OTUD7A: variants seen among roughly 807,000 people sequenced by gnomAD.
OTUD7A encodes the protein OTU domain-containing protein 7A.
A neutral mutation model predicts 65.7 loss-of-function variants in OTUD7A; 12 were observed. That is an observed-to-expected ratio of 0.18 (90% CI 0.12 to 0.30). The LOEUF is 0.30. Ranked by LOEUF, OTUD7A falls within the 10% of genes least tolerant of loss-of-function variation. OTUD7A has a pLI of 1.00. For synonymous variants in OTUD7A, 641 were observed against 586.3 expected (o/e 1.09, Z -1.35); for missense variants, 1,148 against 1,304.8 (o/e 0.88, Z 1.85).
Position 31,790,787 on chromosome 15 carries a change from T to C in OTUD7A, c.-100+79720A>G, listed in dbSNP as rs570251752. Among the ~76,000 whole-genome samples, 6 of 152,286 alleles carry C rather than the reference T, an allele frequency of 3.9e-5. No homozygotes were observed. In the East Asian group the frequency reaches 9.7e-4, roughly 25 times the overall value. Reference sequence around the variant, plus strand: ...CCATGAATGACAGCCCTGGGAGCTATAGATGCTGCCTCATGATGGGCCCCA... The same window carrying C: ...CCATGAATGACAGCCCTGGGAGCTACAGATGCTGCCTCATGATGGGCCCCA... On this transcript the variant is annotated intron_variant, in intron 1 of 12. Transcript: ENST00000307050.
At chr15:31,592,905 ATATAT>A (rs1161625810) in intron 3 of OTUD7A, among the ~76,000 whole-genome samples, 360 of 32,192 alleles carry the variant, frequency 0.011, 9 homozygotes, top group African/African-American at 0.027. Flanking sequence ...AAAAAAAAAA[ATATAT>A]ATATATATAT....
At chr15:31,634,723 C>T (rs1431665810) in intron 3 of OTUD7A, among the ~76,000 whole-genome samples, 2 of 152,254 alleles carry the variant, frequency 1.3e-5, no homozygotes, top group Admixed American at 6.5e-5. Flanking sequence ...GATGGAGTCC[C>T]GTTCCCCTGT....
chr15:31,526,717 C>A (rs527587926), intron 7 of OTUD7A, among the ~76,000 whole-genome samples: 12 of 152,254 alleles, frequency 7.9e-5, no homozygotes, highest in African/African-American at 2.9e-4. Flanking sequence ...TGGGGATGAC[C>A]GAGCATTAAC....
chr15:31,533,758 CATA>C (rs151223602), intron 5 of OTUD7A, among the ~76,000 whole-genome samples: 2,797 of 152,216 alleles, frequency 0.018, 37 homozygotes, highest in Non-Finnish European at 0.026. Flanking sequence ...TATGGGCAAA[CATA>C]ATAAGACTTT....
chr15:31,523,339 C>T (rs2041964010), intron 8 of OTUD7A, among the ~76,000 whole-genome samples: 1 of 152,236 alleles, frequency 6.6e-6, no homozygotes, highest in Non-Finnish European at 1.5e-5. Context: ...CCTTCAGGGC[C>T]CGCTGGGCTC....
chr15:31,727,291 T>C (rs185936808), intron 1 of OTUD7A, among the ~76,000 whole-genome samples: 271 of 152,360 alleles, frequency 1.8e-3, no homozygotes, highest in Non-Finnish European at 3.5e-3. Flanking sequence ...CTCTATTTTG[T>C]ACAAGTTCCT....
At chr15:31,620,388 G>T (rs903655694) in intron 3 of OTUD7A, among the ~76,000 whole-genome samples, 8 of 152,042 alleles carry the variant, frequency 5.3e-5, no homozygotes, top group Non-Finnish European at 1.0e-4. Context: ...CTGTGAATCT[G>T]TCTGGTCCTG....
chr15:31,805,561 T>C (rs1896247535), intron 1 of OTUD7A, among the ~76,000 whole-genome samples: 1 of 152,212 alleles, frequency 6.6e-6, no homozygotes, highest in African/African-American at 2.4e-5. Context: ...TTTATCAAAA[T>C]GTGTCTGTCT....
intron 1 of OTUD7A, among the ~76,000 whole-genome samples, chr15:31,738,078 G>A (rs866066824): frequency 6.6e-6 from 1 of 152,046 alleles, no homozygotes; most frequent in Admixed American, 6.6e-5. Context: ...CTATTTTTGC[G>A]AAAAAATTAA....
chr15:31,739,410 T>A (rs1595737898), intron 1 of OTUD7A, among the ~76,000 whole-genome samples: 2 of 152,294 alleles, frequency 1.3e-5, no homozygotes, highest in East Asian at 3.9e-4. Flanking sequence ...AATAATATCT[T>A]AAAAGTAGTC....
At chr15:31,489,646 C>T (rs1224276908) in intron 10 of OTUD7A, among the ~76,000 whole-genome samples, 1 of 152,224 alleles carries the variant, frequency 6.6e-6, no homozygotes, top group Non-Finnish European at 1.5e-5. Flanking sequence ...AGCAGATCTC[C>T]ACTGAAGAGC....
At chr15:31,828,492 T>A (rs536829117) in intron 1 of OTUD7A, among the ~76,000 whole-genome samples, 4 of 152,220 alleles carry the variant, frequency 2.6e-5, no homozygotes, top group Non-Finnish European at 5.9e-5. Context: ...CATAGTATAT[T>A]GTACAGTAGG....
At chr15:31,749,576 T>G (rs1894573280) in intron 1 of OTUD7A, among the ~76,000 whole-genome samples, 1 of 152,156 alleles carries the variant, frequency 6.6e-6, no homozygotes, top group African/African-American at 2.4e-5. Flanking sequence ...GAGTGCATTT[T>G]AAAAGTGGCA....
chr15:31,527,425 GCCT>G (rs2042030330), intron 6 of OTUD7A, 117 bp from the exon 7 acceptor site: 1 of 1,342,182 alleles, frequency 7.5e-7, no homozygotes, highest in Admixed American at 2.2e-5. Flanking sequence ...ACGCAGAACA[GCCT>G]CCTTACTCAG....
intron 1 of OTUD7A, among the ~76,000 whole-genome samples, chr15:31,753,455 C>T (rs145748850): frequency 1.3e-5 from 2 of 151,136 alleles, no homozygotes; most frequent in African/African-American, 2.4e-5. Flanking sequence ...CACCCCCTTC[C>T]CACTCTTTCC....
Position 31,502,488 on chromosome 15 carries a change from T to C in OTUD7A, c.1022-649A>G, listed in dbSNP as rs532357506. On this transcript the variant is annotated intron_variant, in intron 9 of 12. Coordinates refer to ENST00000307050, the MANE Select transcript of OTUD7A (RefSeq NM_001382637.1). ...TCTTTACTTTTGGCCCTAGAGTGAG[T>C]GTATTGCTGCACTCCTTGAGCAGAA... Among the ~76,000 whole-genome samples the C allele has an allele frequency of 5.9e-5, 9 of 152,232 alleles. No homozygotes were observed. The East Asian group carries it at 1.5e-3, about 26-fold the overall frequency.
rs374601045 is a variant in OTUD7A at position 31,568,961 on chromosome 15, C to A, written c.331+1057G>T. The stretch of plus-strand genomic sequence containing the variant: ...ACTTCCTGTAAAGCCTGCAGAACCA[C>A]GAGCCAAGAAATCCTCTTTTTAAAA... On this transcript the variant is annotated intron_variant, in intron 4 of 12. Coordinates refer to ENST00000307050, the MANE Select transcript of OTUD7A (RefSeq NM_001382637.1). Among the ~76,000 whole-genome samples the A allele has an allele frequency of 4.6e-5, 7 of 152,280 alleles. No individual in the cohort carries two copies. The South Asian group carries it at 1.0e-3, about 23-fold the overall frequency.
intron 1 of OTUD7A, among the ~76,000 whole-genome samples, chr15:31,717,806 G>A (rs1364482551): frequency 6.6e-6 from 1 of 152,190 alleles, no homozygotes; most frequent in African/African-American, 2.4e-5. Context: ...GATCCTTGAG[G>A]AATTGCCACA....
At chr15:31,787,341 C>T (rs963873632) in intron 1 of OTUD7A, among the ~76,000 whole-genome samples, 6 of 152,066 alleles carry the variant, frequency 3.9e-5, no homozygotes, top group African/African-American at 9.7e-5. Context: ...TTTTCTAATA[C>T]GAATTATAAA....
Sources: gnomAD v4.1 joint callset for allele counts (sites outside exome capture counted in the v4.1 genomes callset) on GRCh38, gnomAD v4.1.1 for gene constraint, MANE v1.5 for transcripts, NCBI Gene and HGNC (gene_info 2026-07-23, HGNC 2026-07-21) for gene names.